NDUFA10: variants seen among roughly 807,000 people sequenced by gnomAD.
NDUFA10 encodes the protein NADH:ubiquinone oxidoreductase subunit A10.
In NDUFA10, 40 loss-of-function variants were observed where a neutral mutation model predicts 47.8. That is an observed-to-expected ratio of 0.84 (90% CI 0.65 to 1.09). NDUFA10 has a LOEUF of 1.09. NDUFA10 is among the 50% of genes least tolerant of loss of function. The pLI, the probability that NDUFA10 is intolerant of heterozygous loss-of-function variation, is 0.00. For missense variants in NDUFA10, 413 were observed against 451.1 expected (o/e 0.92, Z 0.76); for synonymous variants, 183 against 172.2 (o/e 1.06, Z -0.49).
At chr2:239,956,638 C>G (rs1574805815), downstream of NDUFA10, among the ~76,000 whole-genome samples, 1 of 152,218 alleles carries the variant, frequency 6.6e-6, no homozygotes, top group Admixed American at 6.5e-5. Context: ...AGTGGAAATG[C>G]ACTTTCCAGC....
At chr2:240,013,783 G>C (rs1366860778) in intron 5 of NDUFA10, 1 of 152,186 alleles carries the variant, frequency 6.6e-6, no homozygotes. Flanking sequence ...CAAGAATTCC[G>C]GCACTGAGGA....
chr2:239,905,490 C>T (rs1459422820), intron 4 of NDUFA10, among the ~76,000 whole-genome samples: 1 of 152,202 alleles, frequency 6.6e-6, no homozygotes, highest in Admixed American at 6.5e-5. Flanking sequence ...GGGGTATGTG[C>T]GTCTACACGC....
intron 4 of NDUFA10, among the ~76,000 whole-genome samples, chr2:239,896,801 G>C (rs1226898864): frequency 1.3e-5 from 2 of 152,168 alleles, no homozygotes; most frequent in Non-Finnish European, 2.9e-5. Context: ...CAAACAACAA[G>C]ATGTTTGGGA....
intron 4 of NDUFA10, among the ~76,000 whole-genome samples, chr2:239,923,301 A>G (rs531554821): frequency 6.6e-6 from 1 of 152,356 alleles, no homozygotes; most frequent in South Asian, 2.1e-4. Flanking sequence ...ACTATCAAAC[A>G]AAAGTATCTA....
At chr2:239,935,549 G>C (rs1694251567) in intron 4 of NDUFA10, among the ~76,000 whole-genome samples, 1 of 152,164 alleles carries the variant, frequency 6.6e-6, no homozygotes, top group Admixed American at 6.5e-5. Context: ...CTCCCTGGCT[G>C]TCTCACTCCC....
intron 4 of NDUFA10, among the ~76,000 whole-genome samples, chr2:239,898,051 T>C (rs936038825): frequency 1.3e-5 from 2 of 152,134 alleles, no homozygotes; most frequent in Non-Finnish European, 2.9e-5. Context: ...GGCTGCCTGC[T>C]CTGTGAGAAA....
chr2:239,953,374 C>T (rs1234857748), downstream of NDUFA10, among the ~76,000 whole-genome samples: 3 of 152,196 alleles, frequency 2.0e-5, no homozygotes, highest in Non-Finnish European at 4.4e-5. Flanking sequence ...GGCCTCCTGG[C>T]CTCCAGAACT....
intron 4 of NDUFA10, among the ~76,000 whole-genome samples, chr2:239,920,024 A>G (rs890452426): frequency 5.3e-5 from 8 of 151,922 alleles, no homozygotes; most frequent in African/African-American, 1.9e-4. Flanking sequence ...GGGCCCCCTC[A>G]CCCTGCTCCC....
At position 239,959,665 on chromosome 2, in the gene NDUFA10, C is replaced by T. The variant is rs192964209; in HGVS notation, c.*1453G>A. On this transcript the variant is annotated 3_prime_UTR_variant, in exon 10 of 10. Transcript: ENST00000252711. Reference sequence around the variant, plus strand: ...GGGAAGGGAGGAAAACAAGGACAGACGGAAGGAAGGAAGGAAGAGAAGGAG... The same window carrying T: ...GGGAAGGGAGGAAAACAAGGACAGATGGAAGGAAGGAAGGAAGAGAAGGAG... 1,291 of 937,660 alleles carry T rather than the reference C, an allele frequency of 1.4e-3. 8 individuals carry two copies. The African/African-American group carries it at 0.023, about 16-fold the overall frequency. 58.1% of individuals were successfully genotyped at this position (937,660 alleles called of 1,614,324 possible). A position where few individuals can be genotyped will look rare whatever the true frequency, so the allele number is the denominator to read the frequency against.
chr2:239,930,900 AGGGAGG>A (rs1694161727), intron 4 of NDUFA10, among the ~76,000 whole-genome samples: 2 of 65,964 alleles, frequency 3.0e-5, no homozygotes, highest in South Asian at 1.1e-3. Context: ...TGTGGCAGGG[AGGGAGG>A]TCAGGAGGCC....
intron 4 of NDUFA10, among the ~76,000 whole-genome samples, chr2:239,921,801 TC>T (rs1233779429): frequency 1.3e-5 from 2 of 152,112 alleles, no homozygotes; most frequent in Non-Finnish European, 2.9e-5. Context: ...GGAACCAGGC[TC>T]AGCCAGATCT....
intron 4 of NDUFA10, among the ~76,000 whole-genome samples, chr2:239,915,473 C>A (rs1051470269): frequency 2.1e-5 from 3 of 143,984 alleles, no homozygotes; most frequent in Admixed American, 6.8e-5. Flanking sequence ...CATACATACA[C>A]ACACACAGAA....
At chr2:239,904,204 A>T (rs549525006) in intron 4 of NDUFA10, among the ~76,000 whole-genome samples, 24 of 152,264 alleles carry the variant, frequency 1.6e-4, no homozygotes, top group Non-Finnish European at 3.4e-4. Flanking sequence ...CCCGGGGGAC[A>T]CTGGCCCTGA....
chr2:239,930,517 G>A (rs1353002922), intron 4 of NDUFA10, among the ~76,000 whole-genome samples: 2 of 151,884 alleles, frequency 1.3e-5, no homozygotes, highest in African/African-American at 4.8e-5. Context: ...GCAGGCAGTG[G>A]CTCCAGTCCC....
intron 7 of NDUFA10, 42 bp downstream of exon 7, chr2:240,007,274 C>G (rs755588821): frequency 7.7e-6 from 11 of 1,437,874 alleles, no homozygotes; most frequent in South Asian, 4.7e-5. Flanking sequence ...ACACATGAAT[C>G]AAATGTAGGA....
intron 4 of NDUFA10, among the ~76,000 whole-genome samples, chr2:239,910,275 C>G (rs977660754): frequency 1.1e-4 from 16 of 152,190 alleles, no homozygotes; most frequent in African/African-American, 3.4e-4. Context: ...TGTATGTTCA[C>G]TGCAGCACTA....
At chr2:239,982,758 C>T (rs1178972175) in intron 9 of NDUFA10, among the ~76,000 whole-genome samples, 1 of 152,230 alleles carries the variant, frequency 6.6e-6, no homozygotes, top group Non-Finnish European at 1.5e-5. Flanking sequence ...CTTCCTATTA[C>T]ACCATTAGTA....
At chr2:239,921,037 C>G (rs1693967673) in intron 4 of NDUFA10, among the ~76,000 whole-genome samples, 1 of 152,156 alleles carries the variant, frequency 6.6e-6, no homozygotes, top group African/African-American at 2.4e-5. Context: ...GACAGAGCAA[C>G]CAAGAGCCAG....
chr2:239,981,292 C>G (rs888020826), intron 9 of NDUFA10, among the ~76,000 whole-genome samples: 1 of 152,122 alleles, frequency 6.6e-6, no homozygotes, highest in South Asian at 2.1e-4. Context: ...AGCTCTGTAC[C>G]CAAAGTCTCC....
Sources: gnomAD v4.1 joint callset for allele counts (sites outside exome capture counted in the v4.1 genomes callset) on GRCh38, gnomAD v4.1.1 for gene constraint, MANE v1.5 for transcripts, NCBI Gene and HGNC (gene_info 2026-07-23, HGNC 2026-07-21) for gene names.